NBEAL1: variants seen among roughly 807,000 people sequenced by gnomAD.
NBEAL1 encodes the protein neurobeachin like 1.
In NBEAL1, 273 loss-of-function variants were observed where a neutral mutation model predicts 351.3. That is an observed-to-expected ratio of 0.78 (90% confidence interval 0.70 to 0.86). The LOEUF is 0.86. Among genes scored for constraint, NBEAL1 ranks in the 40% least tolerant of loss-of-function variants. NBEAL1 has a pLI of 0.00. For synonymous variants in NBEAL1, 1,050 were observed against 1,086.4 expected (o/e 0.97, Z 0.66); for missense variants, 2,961 against 3,201.3 (o/e 0.92, Z 1.81).
chr2:203,127,763 C>G lies in NBEAL1; in HGVS notation c.3249-18C>G, dbSNP rs768944855. 6.9e-7 allele frequency: 1 copy of G among 1,451,968 alleles called. No individual in the cohort carries two copies. Among genetic ancestry groups the G allele is most frequent in the Non-Finnish European group, 9.4e-7 (1 of 1,065,098 alleles). 89.9% of individuals were successfully genotyped at this position (1,451,968 alleles called of 1,614,324 possible). A position where few individuals can be genotyped will look rare whatever the true frequency, so the allele number is the denominator to read the frequency against. ...AAAAATTAAAATTTCAATTCTTATA[C>G]TTTGTTTTGTCTTTCAGGAATGGTT... On this transcript the variant is annotated intron_variant, in intron 23 of 55. Coordinates refer to ENST00000683969, the MANE Select transcript of NBEAL1 (RefSeq NM_001378026.1).
Position 203,127,897 on chromosome 2 carries a change from G to T in NBEAL1, c.3365G>T (p.Ser1122Ile). 1 of 1,551,956 alleles carries T rather than the reference G, an allele frequency of 6.4e-7. No homozygotes were observed. The highest frequency in any genetic ancestry group is 8.7e-7 in the Non-Finnish European group (1 of 1,146,054). Residue 1122 changes from serine (S) to isoleucine (I), a missense_variant, in exon 24 of 56, where the codon AGT becomes ATT. Coordinates refer to ENST00000683969, the MANE Select transcript of NBEAL1 (RefSeq NM_001378026.1). Reference protein sequence around the residue: ...CKGGSHEEIQSIMGYIAATNE... With the variant: ...CKGGSHEEIQIIMGYIAATNE... Reference sequence around the variant, plus strand: ...GGTGGATCTCATGAAGAGATACAAAGTATTATGGGGTACATAGCTGCTACT... The same window carrying T: ...GGTGGATCTCATGAAGAGATACAAATTATTATGGGGTACATAGCTGCTACT...
intron 2 of NBEAL1, among the ~76,000 whole-genome samples, chr2:203,028,308 TGCCTG>T (rs1466624138): frequency 1.3e-5 from 2 of 151,992 alleles, no homozygotes; most frequent in Admixed American, 6.6e-5. Context: ...TGAGCCACTG[TGCCTG>T]GCCTGACTTT....
intron 2 of NBEAL1, among the ~76,000 whole-genome samples, chr2:203,033,807 T>C (rs116022419): frequency 0.034 from 5,251 of 152,302 alleles, 162 homozygotes; most frequent in African/African-American, 0.072. Context: ...ATTTCCACAC[T>C]GGAATGATAC....
At chr2:203,055,723 C>T (rs955379182) in intron 4 of NBEAL1, among the ~76,000 whole-genome samples, 6 of 151,958 alleles carry the variant, frequency 3.9e-5, no homozygotes, top group East Asian at 1.9e-4. Flanking sequence ...AATTAATGAA[C>T]GTTGCTTTTT....
intron 7 of NBEAL1, among the ~76,000 whole-genome samples, chr2:203,073,876 G>T (rs1432231353): frequency 6.6e-6 from 1 of 152,058 alleles, no homozygotes; most frequent in Non-Finnish European, 1.5e-5. Flanking sequence ...TGCTTTAGTT[G>T]TGCCCCACAG....
intron 4 of NBEAL1, among the ~76,000 whole-genome samples, chr2:203,053,175 C>T (rs1283293535): frequency 1.3e-5 from 2 of 152,024 alleles, no homozygotes; most frequent in Non-Finnish European, 2.9e-5. Flanking sequence ...AATGGCTATA[C>T]CATTTTGCAT....
chr2:203,205,866 G>A (rs2065538864), intron 51 of NBEAL1, among the ~76,000 whole-genome samples: 1 of 152,208 alleles, frequency 6.6e-6, no homozygotes, highest in East Asian at 1.9e-4. Flanking sequence ...CACTCAGACT[G>A]ATACTCACAG....
At position 203,221,363 on chromosome 2, in the gene NBEAL1, T is replaced by A. The variant is rs989065596; in HGVS notation, c.*4009T>A. On this transcript the variant is annotated 3_prime_UTR_variant, in exon 56 of 56. Coordinates refer to ENST00000683969, the MANE Select transcript of NBEAL1 (RefSeq NM_001378026.1). ...ATGCAAGTCCTAGGACTATATTAAATATAAATATTATATTATTAAATAATA... is the reference window on the plus strand; with the variant it reads ...ATGCAAGTCCTAGGACTATATTAAAAATAAATATTATATTATTAAATAATA... 6.6e-6 allele frequency among the ~76,000 whole-genome samples: 1 copy of A among 150,890 alleles called. No homozygotes were observed. Among genetic ancestry groups the A allele is most frequent in the African/African-American group, 2.4e-5 (1 of 41,226 alleles).
rs1464693442 is a variant in NBEAL1 at position 203,049,963 on chromosome 2, T to C, written c.293T>C (p.Ile98Thr). ...ALSILLVKFF[I>T]ILCRNLSNVE... ...TCAATTTTGCTTGTCAAGTTCTTCA[T>C]TATTCTTTGCAGGTATCTAGTAGAA... is the stretch of plus-strand genomic sequence containing the variant. The change falls in exon 4 of 56, where the codon ATT becomes ACT. Residue 98 changes from isoleucine (I) to threonine (T), a missense_variant. Physicochemically the swap from Ile to Thr is moderately conservative, Grantham distance 89. Transcript: ENST00000683969. The C allele has an allele frequency of 1.9e-6, 3 of 1,551,852 alleles. No homozygotes were observed. In the Admixed American group the frequency reaches 5.9e-5, roughly 30 times the overall value.
chr2:203,213,987 CTACTT>C (rs1275138696), intron 55 of NBEAL1, among the ~76,000 whole-genome samples: 1 of 152,130 alleles, frequency 6.6e-6, no homozygotes, highest in African/African-American at 2.4e-5. Flanking sequence ...AACAATAAAA[CTACTT>C]TAGTTTTAAC....
intron 4 of NBEAL1, among the ~76,000 whole-genome samples, chr2:203,053,554 A>G (rs576981602): frequency 1.3e-5 from 2 of 152,110 alleles, no homozygotes; most frequent in South Asian, 4.2e-4. Context: ...GCCCAGGTGC[A>G]GTGAGTTCTG....
chr2:203,123,330 CTTTTCTT>C (rs1434839648), intron 19 of NBEAL1, among the ~76,000 whole-genome samples: 30 of 148,596 alleles, frequency 2.0e-4, no homozygotes, highest in Admixed American at 2.7e-4. Flanking sequence ...TTTTTCTTTT[CTTTTCTT>C]TTTTCTTTTT....
intron 31 of NBEAL1, among the ~76,000 whole-genome samples, chr2:203,139,871 A>G (rs1331763157): frequency 1.3e-5 from 2 of 151,784 alleles, no homozygotes; most frequent in African/African-American, 2.4e-5. Context: ...CGGTCACTCT[A>G]TTTTTAAAGG....
At chr2:203,082,803 T>C (rs886354325) in intron 8 of NBEAL1, among the ~76,000 whole-genome samples, 4 of 152,236 alleles carry the variant, frequency 2.6e-5, no homozygotes, top group Admixed American at 1.3e-4. Flanking sequence ...ATTCCTATTC[T>C]TTCTGTAGCC....
At chr2:203,100,992 C>G (rs376795837) in intron 12 of NBEAL1, among the ~76,000 whole-genome samples, 117 of 152,286 alleles carry the variant, frequency 7.7e-4, no homozygotes, top group African/African-American at 2.4e-3. Context: ...AATAGTTTCT[C>G]CCATTCTGTA....
chr2:203,155,440 GT>G (rs1414555789), intron 35 of NBEAL1, among the ~76,000 whole-genome samples: 7 of 150,748 alleles, frequency 4.6e-5, no homozygotes, highest in Admixed American at 4.6e-4. Context: ...TTTTTTGTTT[GT>G]TTGTTTGTTT....
intron 6 of NBEAL1, among the ~76,000 whole-genome samples, chr2:203,063,448 AGGAG>A (rs556653752): frequency 3.0e-4 from 34 of 114,384 alleles, no homozygotes; most frequent in African/African-American, 4.3e-4. Flanking sequence ...TGAAAGAAAG[AGGAG>A]GGAGGGAGGG....
chr2:203,184,090 A>AG (rs1559045962), intron 44 of NBEAL1, among the ~76,000 whole-genome samples: 2 of 150,674 alleles, frequency 1.3e-5, no homozygotes, highest in South Asian at 2.1e-4. Flanking sequence ...AAAAAAAAAA[A>AG]AAAAAAAAAG....
chr2:203,016,649 G>A (rs1448504624), intron 2 of NBEAL1, among the ~76,000 whole-genome samples: 1 of 152,070 alleles, frequency 6.6e-6, no homozygotes, highest in Admixed American at 6.5e-5. Context: ...GTAGGGTGCG[G>A]CTTTTATTTG....
Sources: gnomAD v4.1 joint callset for allele counts (sites outside exome capture counted in the v4.1 genomes callset) on GRCh38, gnomAD v4.1.1 for gene constraint, MANE v1.5 for transcripts, NCBI Gene and HGNC (gene_info 2026-07-23, HGNC 2026-07-21) for gene names.